WDR20: variants seen among roughly 807,000 people sequenced by gnomAD.
WDR20 encodes WD repeat domain 20, also known as WD repeat-containing protein 20.
Under a neutral mutation model 38.7 loss-of-function variants are expected in WDR20, and 3 were observed. The observed-to-expected ratio is 0.08, with a 90% confidence interval of 0.04 to 0.20. WDR20 has a LOEUF of 0.20. Ranked by LOEUF, WDR20 falls within the 10% of genes least tolerant of loss-of-function variation. WDR20 has a pLI of 1.00. For synonymous variants in WDR20, 298 were observed against 285.6 expected, an observed-to-expected ratio of 1.04 and a Z score of -0.44; for missense variants, 559 against 727.7, an observed-to-expected ratio of 0.77 and a Z score of 2.67.
intron 1 of WDR20, among the ~76,000 whole-genome samples, chr14:102,189,211 A>G (rs1200682696): frequency 6.6e-6 from 1 of 152,160 alleles, no homozygotes; most frequent in African/African-American, 2.4e-5. Context: ...CCCTGTCTCA[A>G]TAATAATAAT....
rs35097607 is a variant in WDR20 at position 102,220,719 on chromosome 14, CAAAAA to C, written c.1693-2097_1693-2093del. Among the ~76,000 whole-genome samples the C allele has an allele frequency of 5.4e-5, 6 of 111,700 alleles. No individual in the cohort carries two copies. The highest frequency in any genetic ancestry group is 1.9e-5 in the Non-Finnish European group (1 of 51,982). The allele number at this position is 111,700 out of a possible 152,430, so 73.3% of individuals were successfully genotyped here. A position where few individuals can be genotyped will look rare whatever the true frequency, so the allele number is the denominator to read the frequency against. On this transcript the variant is annotated intron_variant, in intron 3 of 3. Transcript: ENST00000335263. This position sits in a 1 kb window ranked among gnomAD's most constrained non-coding sequence, Gnocchi z 4.2. Reference sequence around the variant, plus strand: ...TGGACAACAAAGTGAGACTCCGTCTCAAAAAAAAAAAAAAAAAAGAAAATATTAAA... The same window carrying C: ...TGGACAACAAAGTGAGACTCCGTCTCAAAAAAAAAAAAAGAAAATATTAAA...
At position 102,222,491 on chromosome 14, in the gene WDR20, G is replaced by A. The variant is rs1279814025; in HGVS notation, c.1693-339G>A. 6.6e-5 allele frequency among the ~76,000 whole-genome samples: 10 copies of A among 152,128 alleles called. No homozygotes were observed. The highest frequency in any genetic ancestry group is 5.9e-4 in the Admixed American group (9 of 15,276). ...GCTGAAGGCGCTGAACACCTCCCAC[G>A]AGGCACCTGCACCTTTGGGTCAGCA... On this transcript the variant is annotated intron_variant, in intron 3 of 3. Coordinates refer to the WDR20 transcript ENST00000335263. The surrounding 1 kb of genome is among the most constrained non-coding windows in gnomAD (Gnocchi z 4.4).
intron 1 of WDR20, among the ~76,000 whole-genome samples, chr14:102,156,160 T>C (rs920017716): frequency 3.3e-5 from 5 of 151,466 alleles, no homozygotes; most frequent in African/African-American, 1.2e-4. Flanking sequence ...ACTTTGAAAT[T>C]ACCATTAGAT....
intron 2 of WDR20, among the ~76,000 whole-genome samples, chr14:102,201,670 T>G (rs956987761): frequency 6.6e-6 from 1 of 152,236 alleles, no homozygotes; most frequent in African/African-American, 2.4e-5. Context: ...CACAGAGCAC[T>G]GGCCCAGAGC....
At position 102,201,167 on chromosome 14, in the gene WDR20, T is replaced by C. The variant is rs146565863; in HGVS notation, c.432+6047T>C. Among the ~76,000 whole-genome samples the C allele has an allele frequency of 2.9e-3, 449 of 152,356 alleles. 4 individuals carry two copies. The highest frequency in any genetic ancestry group is 0.01 in the African/African-American group (427 of 41,588). On this transcript the variant is annotated intron_variant, in intron 2 of 2. Transcript: ENST00000342702. ...TGAAATACCCTTTCCTAATACTTCC[T>C]GAGCCCTCTTCAGATGCCTTTACAT...
intron 1 of WDR20, among the ~76,000 whole-genome samples, chr14:102,194,421 A>G (rs2059069913): frequency 6.6e-6 from 1 of 152,120 alleles, no homozygotes; most frequent in Non-Finnish European, 1.5e-5. Flanking sequence ...TTTCTGATTC[A>G]TTTAGTCTGG....
chr14:102,165,682 G>A (rs1267129878), intron 1 of WDR20, among the ~76,000 whole-genome samples: 2 of 148,728 alleles, frequency 1.3e-5, no homozygotes, highest in African/African-American at 5.0e-5. Context: ...TGTTGCTCAG[G>A]CTGGAGTGCA....
At chr14:102,139,525 A>G (rs1193239692), upstream of WDR20, 3 of 1,056,182 alleles carry the variant, frequency 2.8e-6, no homozygotes, top group East Asian at 7.8e-5. Context: ...ACCGCTGAGG[A>G]GGCACCCTCA....
rs777394061 is a variant in WDR20, at chr14:102,209,707, C to T, written c.1537C>T (p.Leu513=). 5.0e-6 allele frequency: 8 copies of T among 1,614,144 alleles called. No individual in the cohort carries two copies. The highest frequency in any genetic ancestry group is 3.3e-4 in the Middle Eastern group (2 of 6,062). ...CCCTGCTAAAACTCTGGGAACGCCC[C>T]TGTGTCCTCGAATGGAAGATGTTCC... ...TDPAKTLGTP[L]CPRMEDVPLL... The change falls in exon 3 of 3, where the codon CTG becomes TTG. Residue 513 remains leucine, a synonymous_variant. Coordinates refer to ENST00000342702, the MANE Select transcript of WDR20 (RefSeq NM_144574.4). The surrounding 1 kb of genome is among the most constrained non-coding windows in gnomAD (Gnocchi z 6.0).
intron 1 of WDR20, among the ~76,000 whole-genome samples, chr14:102,170,710 T>C (rs1404442249): frequency 6.6e-6 from 1 of 152,026 alleles, no homozygotes; most frequent in Non-Finnish European, 1.5e-5. Context: ...GGGATCTCAC[T>C]GTGTTGCCCA....
At chr14:102,219,670 C>T (rs748666608), downstream of WDR20, among the ~76,000 whole-genome samples, 16 of 152,222 alleles carry the variant, frequency 1.1e-4, no homozygotes, top group East Asian at 1.9e-4. Flanking sequence ...GGTTTTTCAC[C>T]GGTGGCCAAC....
chr14:102,173,203 C>T (rs1177717246), intron 1 of WDR20, among the ~76,000 whole-genome samples: 2 of 149,120 alleles, frequency 1.3e-5, no homozygotes, highest in Non-Finnish European at 3.0e-5. Context: ...ACCTTCACCT[C>T]CTGGGTTCAA....
downstream of WDR20, chr14:102,213,259 G>A (rs2062783794): frequency 2.0e-6 from 2 of 985,344 alleles, no homozygotes; most frequent in East Asian, 1.1e-4. Context: ...TCCCCCAGCG[G>A]CCTGGAGAAG....
At chr14:102,179,898 A>AC (rs2063001336) in intron 1 of WDR20, among the ~76,000 whole-genome samples, 1 of 152,202 alleles carries the variant, frequency 6.6e-6, no homozygotes. Flanking sequence ...CACGCCTGTA[A>AC]TCCCAGCACT....
At position 102,139,915 on chromosome 14, in the gene WDR20, C is replaced by T. The variant is rs777681670; in HGVS notation, c.-9C>T. The stretch of plus-strand genomic sequence containing the variant: ...GGCACTTAGGGCAGGATGAACGCTG[C>T]TTTCCAAGATGGCGACGGAGGGAGG... On this transcript the variant is annotated 5_prime_UTR_variant, in exon 1 of 3. Transcript: ENST00000342702. 2 of 1,611,602 alleles carry T rather than the reference C, an allele frequency of 1.2e-6. No individual in the cohort carries two copies. Among genetic ancestry groups the T allele is most frequent in the Non-Finnish European group, 1.7e-6 (2 of 1,177,846 alleles).
chr14:102,195,001 G>A lies in WDR20; in HGVS notation c.313G>A (p.Asp105Asn). 6.2e-7 allele frequency: 1 copy of A among 1,614,174 alleles called. No individual in the cohort carries two copies. Among genetic ancestry groups the A allele is most frequent in the Non-Finnish European group, 8.5e-7 (1 of 1,180,040 alleles). The change falls in exon 2 of 3, where the codon GAC becomes AAC. Residue 105 changes from aspartate (D) to asparagine (N), a missense_variant. Transcript: ENST00000342702. ...IYKGTQPTCHDFNHLTATAES... is the reference protein window; with the variant it reads ...IYKGTQPTCHNFNHLTATAES... ...CAAAGGAACACAGCCTACTTGTCAT[G>A]ACTTCAACCACCTAACAGCCACAGC...
At chr14:102,158,032 G>T (rs1166208952) in intron 1 of WDR20, among the ~76,000 whole-genome samples, 1 of 151,824 alleles carries the variant, frequency 6.6e-6, no homozygotes, top group Non-Finnish European at 1.5e-5. Flanking sequence ...AATGTTTTCA[G>T]CCCCTGCCTC....
rs766965496 is a variant in WDR20, at chr14:102,209,019, C to T, written c.849C>T (p.Asp283=). 21 of 1,613,984 alleles carry T rather than the reference C, an allele frequency of 1.3e-5. No individual in the cohort carries two copies. Among genetic ancestry groups the T allele is most frequent in the Admixed American group, 8.3e-5 (5 of 59,988 alleles). ...DGKYIVTGGE[D]DLVTVWSFVD... ...AGTACATCGTGACAGGTGGGGAGGA[C>T]GACTTGGTGACAGTCTGGTCCTTTG... The change falls in exon 3 of 3, where the codon GAC becomes GAT. Residue 283 remains aspartate, a synonymous_variant. Transcript: ENST00000342702. The surrounding 1 kb of genome is among the most constrained non-coding windows in gnomAD (Gnocchi z 6.0).
intron 2 of WDR20, among the ~76,000 whole-genome samples, chr14:102,199,644 A>T (rs2059980837): frequency 6.6e-6 from 1 of 152,176 alleles, no homozygotes. Context: ...AATCCCCAGC[A>T]TCAGTTACTC....
Sources: gnomAD v4.1 joint callset for allele counts (sites outside exome capture counted in the v4.1 genomes callset) on GRCh38, gnomAD v4.1.1 for gene constraint, Gnocchi (gnomAD v3.1) non-coding constraint, MANE v1.5 for transcripts, NCBI Gene and HGNC (gene_info 2026-07-23, HGNC 2026-07-21) for gene names.